The following GNE variants were observed in gnomAD, a reference collection of about 807,000 sequenced individuals.
The protein encoded by GNE is glucosamine (UDP-N-acetyl)-2-epimerase/N-acetylmannosamine kinase.
Under a neutral mutation model 61.8 loss-of-function variants are expected in GNE, and 41 were observed. The ratio of observed to expected loss-of-function variants is 0.66; its 90% CI spans 0.52 to 0.86. GNE has a LOEUF of 0.86. Among genes scored for constraint, GNE ranks in the 40% least tolerant of loss-of-function variants. The pLI is 0.00. For synonymous variants in GNE, 264 were observed against 326.4 expected (o/e 0.81, Z 2.06); for missense variants, 608 against 909.1 (o/e 0.67, Z 4.26).
chr9:36,273,276 G>T (rs1831114321), intron 1 of GNE, among the ~76,000 whole-genome samples: 1 of 150,736 alleles, frequency 6.6e-6, no homozygotes, highest in African/African-American at 2.4e-5. Flanking sequence ...GAGTGCAGTG[G>T]TGCGATCTCG....
At chr9:36,257,918 G>T (rs75151362) in intron 1 of GNE, among the ~76,000 whole-genome samples, 1,585 of 151,818 alleles carry the variant, frequency 0.01, 28 homozygotes, top group African/African-American at 0.036. Flanking sequence ...AGCAGGGAGG[G>T]GACCTTTTAG....
chr9:36,239,970 G>A (rs1208344920), intron 3 of GNE, among the ~76,000 whole-genome samples: 4 of 151,750 alleles, frequency 2.6e-5, no homozygotes, highest in East Asian at 3.9e-4. Context: ...CCGCTTGGTC[G>A]CTGTTGGTGT....
At position 36,249,370 on chromosome 9, in the gene GNE, G is replaced by A. The variant is rs794727279; in HGVS notation, c.-15C>T. On this transcript the variant is annotated 5_prime_UTR_variant, in exon 2 of 12. It adds an upstream start codon to the 5' untranslated region. Transcript: ENST00000642385. ...TTCTTCTCCATGATTTGCTTGTTTC[G>A]TTTTGAGAGGTTCTTAAAATAGAGT... The A allele has an allele frequency of 5.0e-6, 8 of 1,610,276 alleles. No homozygotes were observed. The highest frequency in any genetic ancestry group is 1.1e-5 in the South Asian group (1 of 90,968).
chr9:36,269,581 G>A (rs1160330768), intron 1 of GNE, among the ~76,000 whole-genome samples: 1 of 151,602 alleles, frequency 6.6e-6, no homozygotes, highest in Admixed American at 6.6e-5. Flanking sequence ...TTTAATCTTC[G>A]CTCTCTCTGA....
At chr9:36,260,741 C>T (rs370853826), upstream of GNE, among the ~76,000 whole-genome samples, 25 of 151,060 alleles carry the variant, frequency 1.7e-4, no homozygotes, top group African/African-American at 4.4e-4. Context: ...TGGTGGCGGG[C>T]GCCTGTAGTC....
chr9:36,257,031 C>G (rs1830381931), intron 1 of GNE, among the ~76,000 whole-genome samples: 1 of 152,070 alleles, frequency 6.6e-6, no homozygotes, highest in Admixed American at 6.6e-5. Flanking sequence ...TGGTGAAACC[C>G]CGTCTCTACT....
chr9:36,271,646 T>C (rs955195845), intron 1 of GNE, among the ~76,000 whole-genome samples: 2 of 152,182 alleles, frequency 1.3e-5, no homozygotes, highest in Non-Finnish European at 2.9e-5. Context: ...AGTGCTGGGA[T>C]TACAGGCGTG....
intron 3 of GNE, 141 bp from the exon 4 acceptor site, chr9:36,237,125 C>A: frequency 1.5e-6 from 1 of 686,246 alleles, no homozygotes; most frequent in Non-Finnish European, 2.6e-6. Context: ...GTGAACAGGG[C>A]ATCCAAATTA....
chr9:36,244,718 A>T (rs1030682550), intron 3 of GNE, among the ~76,000 whole-genome samples: 3 of 148,960 alleles, frequency 2.0e-5, no homozygotes, highest in African/African-American at 7.4e-5. Context: ...TGGGCGGATT[A>T]TGAGGTCAGG....
intron 1 of GNE, among the ~76,000 whole-genome samples, chr9:36,274,068 CTGTGTGTGTGTGTG>C (rs71336439): frequency 0.25 from 35,113 of 142,132 alleles, 4,614 homozygotes; most frequent in East Asian, 0.33. Flanking sequence ...GTCTATGGTA[CTGTGTGTGTGTGTG>C]TGTGTGTGTG....
At chr9:36,263,460 C>T (rs981670726) in intron 1 of GNE, 7 of 154,822 alleles carry the variant, frequency 4.5e-5, no homozygotes, top group African/African-American at 9.6e-5. Context: ...CCACCGCGCC[C>T]GACCTACAGT....
rs576443931 is a variant in GNE at position 36,219,496 on chromosome 9, G to GTTT, written c.1816+341_1816+342insAAA. ...TATACTACACATACAGTGCATGTAT[G>GTTT]TGTGATATATACATAACATGTTTTG... On this transcript the variant is annotated intron_variant, in intron 10 of 11. Coordinates refer to ENST00000642385, the MANE Select transcript of GNE (RefSeq NM_005476.7). 5.9e-5 allele frequency among the ~76,000 whole-genome samples: 9 copies of GTTT among 152,316 alleles called. No individual in the cohort carries two copies. The East Asian group carries it at 1.7e-3, about 29-fold the overall frequency.
chr9:36,265,716 G>A (rs1418833665), intron 1 of GNE: 3 of 312,232 alleles, frequency 9.6e-6, no homozygotes, highest in African/African-American at 6.5e-5. Context: ...GGGTGGGGAT[G>A]GTTTCAGGAT....
At chr9:36,231,066 T>TAAAAAAAAAAAAAAAAAAAAA (rs529903965) in intron 5 of GNE, among the ~76,000 whole-genome samples, 2 of 68,372 alleles carry the variant, frequency 2.9e-5, no homozygotes, top group African/African-American at 9.1e-5. Context: ...ACTGCTTCAC[T>TAAAAAAAAAAAAAAAAAAAAA]AAAAAAAAAA....
At chr9:36,233,814 C>T (rs1829277971) in intron 5 of GNE, 106 bp downstream of exon 5, 1 of 891,068 alleles carries the variant, frequency 1.1e-6, no homozygotes, top group Admixed American at 1.7e-5. Context: ...ACCTCATTCA[C>T]TCACTTGTTC....
chr9:36,265,668 A>G, intron 1 of GNE: 1 of 306,898 alleles, frequency 3.3e-6, no homozygotes, highest in South Asian at 2.8e-5. Flanking sequence ...GGCACCAGGG[A>G]CTGGTTTCCT....
At chr9:36,229,910 A>T (rs2133052439) in intron 5 of GNE, among the ~76,000 whole-genome samples, 1 of 152,238 alleles carries the variant, frequency 6.6e-6, no homozygotes, top group African/African-American at 2.4e-5. Flanking sequence ...AGTGGCAAAA[A>T]GTACAGAGAC....
At chr9:36,229,661 G>A (rs1238922713) in intron 5 of GNE, among the ~76,000 whole-genome samples, 3 of 152,152 alleles carry the variant, frequency 2.0e-5, no homozygotes, top group African/African-American at 7.2e-5. Context: ...TAAGATGTGA[G>A]AGGCTTAGGC....
At chr9:36,264,300 G>GT (rs1313073238) in intron 1 of GNE, among the ~76,000 whole-genome samples, 1 of 151,826 alleles carries the variant, frequency 6.6e-6, no homozygotes, top group Admixed American at 6.6e-5. Context: ...GCCCGGCTAA[G>GT]TTTTTTTGTA....
Sources: gnomAD v4.1 joint callset for allele counts (sites outside exome capture counted in the v4.1 genomes callset) on GRCh38, gnomAD v4.1.1 for gene constraint, MANE v1.5 for transcripts, NCBI Gene and HGNC (gene_info 2026-07-23, HGNC 2026-07-21) for gene names.